GABRA1: variants seen among roughly 807,000 people sequenced by gnomAD.
The protein encoded by GABRA1 is gamma-aminobutyric acid type A receptor subunit alpha1, also known as gamma-aminobutyric acid receptor subunit alpha-1.
In GABRA1, 9 loss-of-function variants were observed where a neutral mutation model predicts 48.9. The observed-to-expected ratio is 0.18, with a 90% CI of 0.11 to 0.32. The LOEUF is 0.32. Ranked by LOEUF, GABRA1 falls within the 10% of genes least tolerant of loss-of-function variation. The pLI is 1.00. For missense variants in GABRA1, 285 were observed against 553.8 expected (o/e 0.51, Z 4.87); for synonymous variants, 210 against 198.7 (o/e 1.06, Z -0.48).
intron 6 of GABRA1, among the ~76,000 whole-genome samples, chr5:161,876,316 G>T (rs1754351180): frequency 6.6e-6 from 1 of 152,098 alleles, no homozygotes; most frequent in Non-Finnish European, 1.5e-5. Flanking sequence ...GACTGTGAGA[G>T]TCAGGTTCTC....
chr5:161,891,321 T>C (rs370144277), intron 8 of GABRA1, among the ~76,000 whole-genome samples: 2 of 152,126 alleles, frequency 1.3e-5, no homozygotes, highest in African/African-American at 4.8e-5. Flanking sequence ...AGGCATAAAA[T>C]GCATAATATT....
intron 4 of GABRA1, among the ~76,000 whole-genome samples, chr5:161,868,984 C>T (rs1753994484): frequency 6.6e-6 from 1 of 152,182 alleles, no homozygotes; most frequent in African/African-American, 2.4e-5. Context: ...TTCAATTGCT[C>T]TGTCAAATGA....
intron 4 of GABRA1, among the ~76,000 whole-genome samples, chr5:161,871,156 A>G (rs1397681021): frequency 1.3e-5 from 2 of 152,150 alleles, no homozygotes; most frequent in Non-Finnish European, 2.9e-5. Flanking sequence ...CCTTTGGGAT[A>G]CATCTTGTCA....
intron 3 of GABRA1, among the ~76,000 whole-genome samples, chr5:161,857,425 C>T (rs1034305828): frequency 1.3e-5 from 2 of 151,404 alleles, no homozygotes; most frequent in Non-Finnish European, 3.0e-5. Context: ...TTTATATGTA[C>T]CTTGGATTCA....
chr5:161,864,160 AC>A (rs1233772710), intron 3 of GABRA1, among the ~76,000 whole-genome samples: 1 of 152,014 alleles, frequency 6.6e-6, no homozygotes, highest in African/African-American at 2.4e-5. Flanking sequence ...GATAATTCCT[AC>A]ATCAAGGGGC....
intron 1 of GABRA1, 48 bp downstream of exon 1, chr5:161,848,470 GC>G (rs1427046986): frequency 7.1e-6 from 1 of 141,008 alleles, no homozygotes; most frequent in Non-Finnish European, 1.5e-5. Flanking sequence ...TTTGAACGTG[GC>G]TTTTCCTAGC....
chr5:161,850,695 T>C (rs1757407658), intron 1 of GABRA1, 101 bp from the exon 2 acceptor site: 2 of 936,484 alleles, frequency 2.1e-6, no homozygotes, highest in East Asian at 2.4e-5. Flanking sequence ...GGTCATTTCC[T>C]GACTTCAAAG....
At chr5:161,885,347 G>A (rs1379516092) in intron 7 of GABRA1, among the ~76,000 whole-genome samples, 1 of 152,058 alleles carries the variant, frequency 6.6e-6, no homozygotes, top group East Asian at 1.9e-4. Flanking sequence ...CAAAATAAAT[G>A]ACCTTGAGTA....
chr5:161,855,094 C>T (rs1040928429), intron 3 of GABRA1, among the ~76,000 whole-genome samples: 2 of 151,380 alleles, frequency 1.3e-5, no homozygotes, highest in African/African-American at 4.8e-5. Context: ...TCCATGATTC[C>T]CAACTATAGC....
At chr5:161,850,600 T>C in intron 1 of GABRA1, 196 bp from the exon 2 acceptor site, 1 of 613,968 alleles carries the variant, frequency 1.6e-6, no homozygotes, top group Non-Finnish European at 2.9e-6. Context: ...CACTGATATA[T>C]TTCTGAATGG....
chr5:161,860,972 T>C (rs114268274), intron 3 of GABRA1, among the ~76,000 whole-genome samples: 1,596 of 151,930 alleles, frequency 0.011, 32 homozygotes, highest in African/African-American at 0.036. Context: ...TCATTCCTTT[T>C]TTTTCTGGCA....
intron 3 of GABRA1, among the ~76,000 whole-genome samples, chr5:161,861,184 G>A (rs960484520): frequency 2.0e-5 from 3 of 151,584 alleles, no homozygotes; most frequent in African/African-American, 7.3e-5. Flanking sequence ...GTGCCTGAGA[G>A]TTATCACAGT....
chr5:161,865,967 T>C (rs763278136), intron 4 of GABRA1, among the ~76,000 whole-genome samples, 179 bp downstream of exon 4: 2 of 152,122 alleles, frequency 1.3e-5, no homozygotes. Context: ...AAATACTCAT[T>C]TGCATTCCAG....
chr5:161,874,165 A>C (rs1754244019), intron 5 of GABRA1, among the ~76,000 whole-genome samples: 1 of 152,180 alleles, frequency 6.6e-6, no homozygotes, highest in Non-Finnish European at 1.5e-5. Flanking sequence ...CAAAAAGGTA[A>C]TAAAGGTAAA....
intron 7 of GABRA1, among the ~76,000 whole-genome samples, chr5:161,889,431 G>A (rs1216932567): frequency 6.6e-6 from 1 of 151,934 alleles, no homozygotes; most frequent in African/African-American, 2.4e-5. Context: ...GCAGATCTGG[G>A]TTTTGAAGTC....
intron 9 of GABRA1, 75 bp downstream of exon 9, chr5:161,895,943 T>G: frequency 8.0e-7 from 1 of 1,257,376 alleles, no homozygotes; most frequent in Non-Finnish European, 1.2e-6. Context: ...TGTTTTGGCC[T>G]GTGGTATTGG....
intron 3 of GABRA1, among the ~76,000 whole-genome samples, chr5:161,865,499 T>C (rs1054726187): frequency 6.6e-6 from 1 of 152,150 alleles, no homozygotes; most frequent in Non-Finnish European, 1.5e-5. Context: ...TTCCATAAAG[T>C]CTGCCTCCCA....
At chr5:161,850,955 A>T in intron 2 of GABRA1, 71 bp downstream of exon 2, 1 of 1,291,602 alleles carries the variant, frequency 7.7e-7, no homozygotes. Flanking sequence ...GGGGGAAGAA[A>T]ATTGTCCTCA....
At chr5:161,880,570 G>C (rs1471020646) in intron 6 of GABRA1, among the ~76,000 whole-genome samples, 1 of 152,148 alleles carries the variant, frequency 6.6e-6, no homozygotes, top group East Asian at 1.9e-4. Context: ...ACTTTTACAT[G>C]TCCCATGAAC....
Sources: allele counts gnomAD v4.1 joint callset (sites outside exome capture counted in the v4.1 genomes callset), GRCh38; gene constraint gnomAD v4.1.1; transcripts MANE v1.5; gene names NCBI Gene and HGNC (gene_info 2026-07-23, HGNC 2026-07-21).